DOCK1: variants seen among roughly 807,000 people sequenced by gnomAD.
DOCK1 encodes dedicator of cytokinesis 1, also known as dedicator of cytokinesis protein 1.
DOCK1 carries 138 observed loss-of-function variants against 262.7 expected under a neutral mutation model. The ratio of observed to expected loss-of-function variants is 0.53; its 90% CI spans 0.46 to 0.61. DOCK1 has a LOEUF of 0.61. DOCK1 is among the 20% of genes least tolerant of loss of function. The pLI, the probability that DOCK1 is intolerant of heterozygous loss-of-function variation, is 0.00. For synonymous variants in DOCK1, 866 were observed against 867.4 expected (o/e 1.00, Z 0.03); for missense variants, 1,908 against 2,370.7 (o/e 0.80, Z 4.05).
At chr10:127,058,286 A>G (rs998185213) in intron 22 of DOCK1, among the ~76,000 whole-genome samples, 1 of 152,042 alleles carries the variant, frequency 6.6e-6, no homozygotes, top group Non-Finnish European at 1.5e-5. Flanking sequence ...TATAATCATG[A>G]TATCTTTCCT....
chr10:127,055,224 C>T (rs369580190), intron 22 of DOCK1, among the ~76,000 whole-genome samples: 8 of 152,064 alleles, frequency 5.3e-5, no homozygotes, highest in Admixed American at 2.6e-4. Context: ...CATGCACCTG[C>T]GTGAGGACTC....
chr10:127,396,237 T>C (rs2066832395), intron 38 of DOCK1, among the ~76,000 whole-genome samples: 1 of 151,732 alleles, frequency 6.6e-6, no homozygotes, highest in Admixed American at 6.6e-5. Flanking sequence ...ACAGCTGCAG[T>C]GATGCTGGGT....
At chr10:127,091,726 G>A (rs2047545542) in intron 23 of DOCK1, among the ~76,000 whole-genome samples, 1 of 152,154 alleles carries the variant, frequency 6.6e-6, no homozygotes, top group Admixed American at 6.5e-5. Context: ...TGCAGCATTC[G>A]TAATTGAAGA....
chr10:127,093,893 C>T (rs1335495319), intron 23 of DOCK1, among the ~76,000 whole-genome samples: 1 of 152,130 alleles, frequency 6.6e-6, no homozygotes, highest in Non-Finnish European at 1.5e-5. Context: ...AGTCCAAGGT[C>T]AAGGTGCTAG....
At chr10:127,195,227 C>T (rs913783111) in intron 27 of DOCK1, among the ~76,000 whole-genome samples, 2 of 152,214 alleles carry the variant, frequency 1.3e-5, no homozygotes, top group African/African-American at 4.8e-5. Context: ...TGACTTTGGG[C>T]TCCAGGAGCT....
intron 27 of DOCK1, among the ~76,000 whole-genome samples, chr10:127,185,792 C>T (rs1033326100): frequency 3.3e-5 from 5 of 152,050 alleles, no homozygotes; most frequent in African/African-American, 9.7e-5. Flanking sequence ...CAAATGTTTC[C>T]GGTGCTGATG....
At chr10:127,441,243 TTGG>T in intron 49 of DOCK1, among the ~76,000 whole-genome samples, 1 of 152,278 alleles carries the variant, frequency 6.6e-6, no homozygotes, top group East Asian at 1.9e-4. Flanking sequence ...GTCCCTGCCC[TTGG>T]TGGCCCAAGC....
intron 29 of DOCK1, among the ~76,000 whole-genome samples, chr10:127,284,789 G>A (rs1226522577): frequency 6.6e-6 from 1 of 151,868 alleles, no homozygotes; most frequent in South Asian, 2.1e-4. Context: ...TTTTATTCTT[G>A]GGTTAGTACC....
Position 126,993,909 on chromosome 10 carries a change from C to T in DOCK1, c.474-2839C>T, listed in dbSNP as rs187440877. ...CTTTAAGGTGTGTGACCTCAAGACT[C>T]GAAGTCTCAGGGTAGTTTTTTAGAT... On this transcript the variant is annotated intron_variant, in intron 6 of 51. Coordinates refer to ENST00000623213, the MANE Select transcript of DOCK1 (RefSeq NM_001290223.2). Among the ~76,000 whole-genome samples the T allele has an allele frequency of 3.3e-4, 51 of 152,282 alleles. 2 individuals are homozygous for T. The highest frequency in any genetic ancestry group is 3.1e-3 in the Admixed American group (47 of 15,294).
At chr10:126,924,199 A>G (rs147940986) in intron 1 of DOCK1, among the ~76,000 whole-genome samples, 298 of 114,444 alleles carry the variant, frequency 2.6e-3, no homozygotes, top group African/African-American at 8.5e-3. Flanking sequence ...GGGGAACTGA[A>G]TGCTGGAACT....
intron 23 of DOCK1, among the ~76,000 whole-genome samples, chr10:127,080,668 T>G (rs1423908245): frequency 2.6e-5 from 4 of 152,178 alleles, no homozygotes; most frequent in Non-Finnish European, 5.9e-5. Flanking sequence ...CCTGGGTACT[T>G]AAAATTATCT....
In DOCK1 at chr10:127,225,105, T is replaced by TC. The variant is rs548301186; in HGVS notation, c.2848-22903_2848-22902insC. The stretch of plus-strand genomic sequence containing the variant: ...TCTCTTCCTGCCAGGAAACCTGAAC[T>TC]AGAGAGGTTTGGAGGTCTTATGTTG... On this transcript the variant is annotated intron_variant, in intron 27 of 51. Transcript: ENST00000623213. Among the ~76,000 whole-genome samples the TC allele has an allele frequency of 1.1e-4, 17 of 152,344 alleles. No individual in the cohort carries two copies. In the South Asian group the frequency reaches 3.5e-3, roughly 32 times the overall value.
At chr10:127,257,287 T>C in intron 28 of DOCK1, 48 bp from the exon 29 acceptor site, 2 of 1,455,356 alleles carry the variant, frequency 1.4e-6, no homozygotes, top group Non-Finnish European at 1.9e-6. Flanking sequence ...GTATCATGTT[T>C]ACCTTTTTCT....
chr10:127,342,403 C>G (rs2063474069), intron 30 of DOCK1, among the ~76,000 whole-genome samples: 1 of 152,294 alleles, frequency 6.6e-6, no homozygotes, highest in Non-Finnish European at 1.5e-5. Context: ...GGCTCAGACC[C>G]CCATTCTGCT....
At chr10:127,154,805 A>G (rs2052877931) in intron 27 of DOCK1, among the ~76,000 whole-genome samples, 1 of 152,146 alleles carries the variant, frequency 6.6e-6, no homozygotes, top group Non-Finnish European at 1.5e-5. Context: ...TTTCTGTAGT[A>G]TATTGTTGAA....
In DOCK1 at chr10:126,981,146, C is replaced by G. The variant is rs1361759780; in HGVS notation, c.172-772C>G. On this transcript the variant is annotated intron_variant, in intron 3 of 51. Coordinates refer to ENST00000623213, the MANE Select transcript of DOCK1 (RefSeq NM_001290223.2). ...TATTTTTAGTAGAGATGGGGTTTCA[C>G]CATGTTGGCCAGGCTGGTCTTGAAC... Among the ~76,000 whole-genome samples the G allele has an allele frequency of 6.6e-5, 10 of 152,174 alleles. No homozygotes were observed. In the East Asian group the frequency reaches 1.7e-3, roughly 27 times the overall value.
chr10:127,042,786 G>A (rs1481174144), intron 20 of DOCK1, 72 bp downstream of exon 20: 1 of 1,509,106 alleles, frequency 6.6e-7, no homozygotes. Context: ...TGAGGCTGGA[G>A]TCGGGGGCTT....
chr10:127,127,822 C>A, intron 27 of DOCK1, 58 bp downstream of exon 27: 1 of 1,456,580 alleles, frequency 6.9e-7, no homozygotes, highest in Non-Finnish European at 9.6e-7. Context: ...CATCCTTCTC[C>A]AACTGCTGTT....
chr10:126,978,436 T>C (rs1361878395), intron 3 of DOCK1, among the ~76,000 whole-genome samples: 3 of 152,168 alleles, frequency 2.0e-5, no homozygotes, highest in African/African-American at 7.2e-5. Flanking sequence ...AGTCAAGCTG[T>C]GAAAAAAGGA....
Sources: gnomAD v4.1 joint callset for allele counts (sites outside exome capture counted in the v4.1 genomes callset) on GRCh38, gnomAD v4.1.1 for gene constraint, MANE v1.5 for transcripts, NCBI Gene and HGNC (gene_info 2026-07-23, HGNC 2026-07-21) for gene names.